Variants in ABCB9 observed in about 807,000 individuals in gnomAD.
ABCB9 encodes the protein ABC-type oligopeptide transporter ABCB9.
Under a neutral mutation model 62.0 loss-of-function variants are expected in ABCB9, and 36 were observed. The observed-to-expected ratio is 0.58, with a 90% CI of 0.45 to 0.77. The LOEUF is 0.77. Ranked by LOEUF, ABCB9 falls within the 30% of genes least tolerant of loss-of-function variation. ABCB9 has a pLI of 0.00. For synonymous variants in ABCB9, 435 were observed against 461.4 expected (o/e 0.94, Z 0.73); for missense variants, 943 against 1,054.7 (o/e 0.89, Z 1.47).
chr12:122,925,563 G>A (rs2034877064), downstream of ABCB9, among the ~76,000 whole-genome samples: 1 of 152,064 alleles, frequency 6.6e-6, no homozygotes, highest in African/African-American at 2.4e-5. Context: ...TCTGGCTAAC[G>A]CGGTGAAACC....
intron 1 of ABCB9, among the ~76,000 whole-genome samples, chr12:122,965,160 G>A (rs2037106271): frequency 6.6e-6 from 1 of 152,186 alleles, no homozygotes; most frequent in East Asian, 1.9e-4. Context: ...TGGGGAGACA[G>A]AAGAGGTTAA....
exon 12 of ABCB9, chr12:122,921,007 A>G (rs2034733182): frequency 6.5e-7 from 1 of 1,534,320 alleles, no homozygotes; most frequent in Non-Finnish European, 8.7e-7. Flanking sequence ...TCATCAATCC[A>G]TCTCGGTTCT....
In ABCB9 at chr12:122,947,245, A is replaced by T. The variant is rs1451175227; in HGVS notation, c.1054-1023T>A. ...AGGCCGGAAGCAAGGGGTGGGGAGC[A>T]GCGTGCCAGAAATGGCTCAGACTCT... is the stretch of plus-strand genomic sequence containing the variant. On this transcript the variant is annotated intron_variant, in intron 5 of 11. Coordinates refer to ENST00000280560, the MANE Select transcript of ABCB9 (RefSeq NM_019625.4). The surrounding 1 kb of genome is among the most constrained non-coding windows in gnomAD (Gnocchi z 6.0). 6.6e-6 allele frequency among the ~76,000 whole-genome samples: 1 copy of T among 152,204 alleles called. No homozygotes were observed. Among genetic ancestry groups the T allele is most frequent in the Non-Finnish European group, 1.5e-5 (1 of 68,026 alleles).
At chr12:122,925,672 C>T (rs1235308566), downstream of ABCB9, among the ~76,000 whole-genome samples, 5 of 152,052 alleles carry the variant, frequency 3.3e-5, no homozygotes, top group South Asian at 2.1e-4. Flanking sequence ...GGCATGAACC[C>T]GGGAGGCGGA....
Position 122,944,613 on chromosome 12 carries a change from A to C in ABCB9, c.1252-94T>G. 2 of 1,522,922 alleles carry C rather than the reference A, an allele frequency of 1.3e-6. No individual in the cohort carries two copies. Among genetic ancestry groups the C allele is most frequent in the Non-Finnish European group, 1.8e-6 (2 of 1,131,378 alleles). 94.3% of individuals were successfully genotyped at this position (1,522,922 alleles called of 1,614,324 possible). A position where few individuals can be genotyped will look rare whatever the true frequency, so the allele number is the denominator to read the frequency against. On this transcript the variant is annotated intron_variant, in intron 6 of 11. Coordinates refer to ENST00000280560, the MANE Select transcript of ABCB9 (RefSeq NM_019625.4). This position sits in a 1 kb window ranked among gnomAD's most constrained non-coding sequence, Gnocchi z 4.9. ...CCATCCCAGGCTGCAGGGGGAGGTG[A>C]GGGCAGACCCAGCCACAAACTGAAA...
intron 3 of ABCB9, among the ~76,000 whole-genome samples, 161 bp from the exon 4 acceptor site, chr12:122,950,079 C>G (rs912408258): frequency 1.3e-5 from 2 of 152,188 alleles, no homozygotes; most frequent in Non-Finnish European, 2.9e-5. Flanking sequence ...GGGAGCCCCC[C>G]TCAAGGTGAG....
chr12:122,963,232 A>G (rs926021129), intron 1 of ABCB9, among the ~76,000 whole-genome samples: 6 of 152,278 alleles, frequency 3.9e-5, no homozygotes, highest in Admixed American at 2.6e-4. Context: ...TGGGAGGTGG[A>G]GGTTGCGGTG....
downstream of ABCB9, among the ~76,000 whole-genome samples, chr12:122,926,419 C>T (rs750712584): frequency 2.6e-5 from 4 of 151,846 alleles, no homozygotes; most frequent in South Asian, 2.1e-4. Context: ...TGGTGGCAGG[C>T]GCCTGTAGTC....
At position 122,957,837 on chromosome 12, in the gene ABCB9, G is replaced by A. The variant is rs1163723339; in HGVS notation, c.601+1798C>T. 3.3e-5 allele frequency among the ~76,000 whole-genome samples: 5 copies of A among 150,734 alleles called. No homozygotes were observed. The Admixed American group carries it at 3.3e-4, about 10-fold the overall frequency. On this transcript the variant is annotated intron_variant, in intron 2 of 11. Transcript: ENST00000280560. Reference sequence around the variant, plus strand: ...CCCAGCTCCAGGAATTTATTCTACAGATCCATCCACATTCATATGAAATGT... The same window carrying A: ...CCCAGCTCCAGGAATTTATTCTACAAATCCATCCACATTCATATGAAATGT...
rs749055741 is a variant in ABCB9 at position 122,949,839 on chromosome 12, A to C, written c.796T>G (p.Phe266Val). ...GTCTCCTGGGACACCAGTGAGCGGA[A>C]GAGACAGTTTCGAAGGCGAATGTTC... Reference protein sequence around the residue: ...RLNIRLRNCLFRSLVSQETSF... With the variant: ...RLNIRLRNCLVRSLVSQETSF... Residue 266 changes from phenylalanine to valine, a missense_variant, in exon 4 of 12, where the codon TTC (phenylalanine) becomes GTC (valine). Phe to Val is a conservative substitution (Grantham distance 50, BLOSUM62 -1). Coordinates refer to ENST00000280560, the MANE Select transcript of ABCB9 (RefSeq NM_019625.4). 1 of 1,614,224 alleles carries C rather than the reference A, an allele frequency of 6.2e-7. No homozygotes were observed. The highest frequency in any genetic ancestry group is 1.1e-5 in the South Asian group (1 of 91,084).
intron 10 of ABCB9, among the ~76,000 whole-genome samples, chr12:122,934,386 C>T (rs182117863): frequency 1.4e-4 from 21 of 152,130 alleles, no homozygotes; most frequent in Admixed American, 3.9e-4. Flanking sequence ...AGGGGCTATT[C>T]GTGTGGTTCA....
chr12:122,964,438 C>T lies in ABCB9; in HGVS notation c.-88+1849G>A, dbSNP rs1422337728. On this transcript the variant is annotated intron_variant, in intron 1 of 11. Coordinates refer to ENST00000280560, the MANE Select transcript of ABCB9 (RefSeq NM_019625.4). The surrounding 1 kb of genome is among the most constrained non-coding windows in gnomAD (Gnocchi z 4.7). ...GGAGGGGGTGAGGCTTGTCTCAGGTCATCCACCAGGCTGGGGCAGAGCAGT... is the reference window on the plus strand; with the variant it reads ...GGAGGGGGTGAGGCTTGTCTCAGGTTATCCACCAGGCTGGGGCAGAGCAGT... Among the ~76,000 whole-genome samples, 1 of 152,242 alleles carries T rather than the reference C, an allele frequency of 6.6e-6. No individual in the cohort carries two copies.
chr12:122,919,330 G>A (rs141247474), downstream of ABCB9, among the ~76,000 whole-genome samples: 1 of 152,042 alleles, frequency 6.6e-6, no homozygotes, highest in Non-Finnish European at 1.5e-5. Context: ...GCACTACCAC[G>A]CCTGGCTGAT....
downstream of ABCB9, among the ~76,000 whole-genome samples, chr12:122,928,777 C>T (rs1195570156): frequency 2.0e-5 from 3 of 152,130 alleles, no homozygotes; most frequent in East Asian, 1.9e-4. Context: ...CTCTATCCCC[C>T]TGCGCAATCC....
In ABCB9 at chr12:122,940,234, G is replaced by A; in HGVS notation, c.1620C>T (p.Pro540=). ...SPGKVTALVG[P]SGSGKSSCVN... ...CACAGGAGCTCTTCCCACTGCCCGA[G>A]GGCCCCACCAGGGCCGTCACCTTGC... Residue 540 remains proline, a synonymous_variant, in exon 9 of 12, where the codon CCC becomes CCT. Coordinates refer to ENST00000280560, the MANE Select transcript of ABCB9 (RefSeq NM_019625.4). This position sits in a 1 kb window ranked among gnomAD's most constrained non-coding sequence, Gnocchi z 4.8. 1 of 1,611,656 alleles carries A rather than the reference G, an allele frequency of 6.2e-7. No homozygotes were observed. Among genetic ancestry groups the A allele is most frequent in the Non-Finnish European group, 8.5e-7 (1 of 1,178,544 alleles).
chr12:122,923,078 G>C (rs544041137), intron 11 of ABCB9, among the ~76,000 whole-genome samples: 2 of 151,630 alleles, frequency 1.3e-5, no homozygotes, highest in African/African-American at 4.8e-5. Flanking sequence ...CCAAAGTACT[G>C]GGACTACAGT....
rs528378390 is a variant in ABCB9, at chr12:122,938,990, G to A, written c.1743+1121C>T. Among the ~76,000 whole-genome samples, 23 of 152,204 alleles carry A rather than the reference G, an allele frequency of 1.5e-4. 1 individual carries two copies. The South Asian group carries it at 3.7e-3, about 25-fold the overall frequency. ...GGTTCGAGACCAGCCTGGGCAACAC[G>A]GTGAAACCCTGTCTGTACTAAAAAT... On this transcript the variant is annotated intron_variant, in intron 9 of 11. Transcript: ENST00000280560.
chr12:122,925,501 C>A (rs1405882769), downstream of ABCB9, among the ~76,000 whole-genome samples: 1 of 152,152 alleles, frequency 6.6e-6, no homozygotes. Context: ...GTAATCCTAG[C>A]ACTTTGGGAG....
At chr12:122,919,287 C>G (rs1317089955), downstream of ABCB9, among the ~76,000 whole-genome samples, 2 of 152,150 alleles carry the variant, frequency 1.3e-5, no homozygotes, top group Non-Finnish European at 2.9e-5. Context: ...ATCCTCCTGC[C>G]TCAGCCACAC....
Sources: gnomAD v4.1 joint callset for allele counts (sites outside exome capture counted in the v4.1 genomes callset) on GRCh38, gnomAD v4.1.1 for gene constraint, Gnocchi (gnomAD v3.1) non-coding constraint, MANE v1.5 for transcripts, NCBI Gene and HGNC (gene_info 2026-07-23, HGNC 2026-07-21) for gene names.